ADGRL2: variants seen among roughly 807,000 people sequenced by gnomAD.
ADGRL2 encodes calcium-independent alpha-latrotoxin receptor 2.
In ADGRL2, 44 loss-of-function variants were observed where a neutral mutation model predicts 157.4. The ratio of observed to expected loss-of-function variants is 0.28; its 90% confidence interval spans 0.22 to 0.36. The LOEUF is 0.36. Ranked by LOEUF, ADGRL2 falls within the 10% of genes least tolerant of loss-of-function variation. ADGRL2 has a pLI of 1.00. For synonymous variants in ADGRL2, 585 were observed against 624.7 expected, an observed-to-expected ratio of 0.94 and a Z score of 0.95; for missense variants, 1,510 against 1,768.9, an observed-to-expected ratio of 0.85 and a Z score of 2.63.
intron 1 of ADGRL2, among the ~76,000 whole-genome samples, chr1:81,735,588 A>C (rs2084868125): frequency 6.7e-6 from 1 of 149,982 alleles, no homozygotes; most frequent in Non-Finnish European, 1.5e-5. Context: ...TGAGGAGCTC[A>C]AGAACAGCCT....
At chr1:81,489,431 A>G (rs973495317) in intron 2 of ADGRL2, among the ~76,000 whole-genome samples, 6 of 152,196 alleles carry the variant, frequency 3.9e-5, no homozygotes, top group Non-Finnish European at 5.9e-5. Flanking sequence ...ACAGAAAGAA[A>G]TAAGATTAAA....
Position 81,969,364 on chromosome 1 carries a change from G to A in ADGRL2, c.2710G>A (p.Gly904Ser). 1 of 1,613,530 alleles carries A rather than the reference G, an allele frequency of 6.2e-7. No homozygotes were observed. The highest frequency in any genetic ancestry group is 8.5e-7 in the Non-Finnish European group (1 of 1,179,634). ...LFIAEFIFLI[G>S]IDKTKYAIAC... ...CATTGCTGAATTTATTTTCCTAATA[G>A]GCATTGATAAGACAAAATATGCGGT... The change falls in exon 15 of 24, where the codon GGC (glycine) becomes AGC (serine). Residue 904 changes from glycine (G) to serine (S), a missense_variant. Around this residue, in one of 4 missense-constraint regions of ADGRL2, gnomAD observed 497 missense variants for 627.2 expected, o/e 0.79. Transcript: ENST00000686636.
At chr1:81,928,666 A>T (rs1419800433) in intron 3 of ADGRL2, among the ~76,000 whole-genome samples, 3 of 152,124 alleles carry the variant, frequency 2.0e-5, no homozygotes. Context: ...CTATTCTATT[A>T]ATTAAAGAAC....
At chr1:81,967,323 G>A (rs535269623) in intron 13 of ADGRL2, among the ~76,000 whole-genome samples, 6 of 150,474 alleles carry the variant, frequency 4.0e-5, no homozygotes, top group African/African-American at 7.4e-5. Context: ...GTGCGGTGGC[G>A]CGATCTCGGC....
At chr1:81,423,362 GC>G in intron 1 of ADGRL2, among the ~76,000 whole-genome samples, 1 of 152,272 alleles carries the variant, frequency 6.6e-6, no homozygotes, top group African/African-American at 2.4e-5. Flanking sequence ...AGGCAGGCAT[GC>G]CCAGGACACT....
At chr1:81,869,431 G>C (rs1015021841) in intron 2 of ADGRL2, among the ~76,000 whole-genome samples, 1 of 151,976 alleles carries the variant, frequency 6.6e-6, no homozygotes, top group Non-Finnish European at 1.5e-5. Context: ...TTTCTTAATG[G>C]AGGCTGTAAT....
At chr1:81,502,835 A>G (rs6666988) in intron 2 of ADGRL2, 575,589 of 1,612,040 alleles carry the variant, frequency 0.36, 116,300 homozygotes, top group African/African-American at 0.83. Context: ...GCCGCTGCCG[A>G]GGCCCCTGCC....
chr1:81,309,136 G>A (rs977259333), intron 1 of ADGRL2, among the ~76,000 whole-genome samples: 1 of 152,126 alleles, frequency 6.6e-6, no homozygotes, highest in Admixed American at 6.6e-5. Context: ...CCTGCTTAAG[G>A]GGAAATGATG....
At chr1:81,850,670 G>A (rs745989879) in intron 2 of ADGRL2, among the ~76,000 whole-genome samples, 7 of 151,834 alleles carry the variant, frequency 4.6e-5, no homozygotes, top group Non-Finnish European at 1.0e-4. Context: ...ATCTAAACAG[G>A]AATCCTCTGA....
At chr1:81,569,666 C>T (rs2080642135) in intron 2 of ADGRL2, among the ~76,000 whole-genome samples, 1 of 152,032 alleles carries the variant, frequency 6.6e-6, no homozygotes, top group East Asian at 1.9e-4. Flanking sequence ...AAAACTTAGC[C>T]AGGCATGGTG....
At chr1:81,502,208 G>A (rs528773724) in intron 2 of ADGRL2, 11 of 1,600,192 alleles carry the variant, frequency 6.9e-6, no homozygotes, top group Admixed American at 1.7e-5. Flanking sequence ...TCTACTTCCA[G>A]CACCAGGGCT....
At chr1:81,842,353 CTTT>C (rs71085377) in intron 2 of ADGRL2, among the ~76,000 whole-genome samples, 3 of 54,950 alleles carry the variant, frequency 5.5e-5, no homozygotes, top group East Asian at 6.3e-4. Flanking sequence ...TCTTTTAGCG[CTTT>C]TTTTTTTTTT....
At chr1:81,974,645 TATC>T (rs1659659668) in intron 17 of ADGRL2, among the ~76,000 whole-genome samples, 1 of 152,164 alleles carries the variant, frequency 6.6e-6, no homozygotes, top group Admixed American at 6.5e-5. Flanking sequence ...TCTTCTGTCT[TATC>T]ATATCCATGT....
At chr1:81,599,035 A>G (rs1217839043) in intron 3 of ADGRL2, among the ~76,000 whole-genome samples, 1 of 152,204 alleles carries the variant, frequency 6.6e-6, no homozygotes, top group African/African-American at 2.4e-5. Context: ...GATTCTATCT[A>G]ATCAGCAGAG....
chr1:81,710,203 C>T (rs2083877878), intron 1 of ADGRL2, among the ~76,000 whole-genome samples: 2 of 152,138 alleles, frequency 1.3e-5, no homozygotes, highest in Non-Finnish European at 2.9e-5. Flanking sequence ...TAAATAAACC[C>T]ATATGAAGCA....
chr1:81,710,476 T>C (rs192431378), intron 1 of ADGRL2, among the ~76,000 whole-genome samples: 1 of 151,258 alleles, frequency 6.6e-6, no homozygotes, highest in African/African-American at 2.4e-5. Flanking sequence ...AAAAATCAGC[T>C]AGGTATGGTG....
chr1:81,840,013 G>A (rs965717386), intron 2 of ADGRL2, among the ~76,000 whole-genome samples: 2 of 138,200 alleles, frequency 1.4e-5, no homozygotes, highest in African/African-American at 5.1e-5. Flanking sequence ...ATGGGCATTT[G>A]GGTTGGTTCC....
chr1:81,699,362 A>G (rs1314345565), upstream of ADGRL2, among the ~76,000 whole-genome samples: 1 of 152,232 alleles, frequency 6.6e-6, no homozygotes, highest in Non-Finnish European at 1.5e-5. Flanking sequence ...ATCCTGATTC[A>G]GCAAATAGGT....
intron 1 of ADGRL2, among the ~76,000 whole-genome samples, chr1:81,320,522 C>A (rs377638133): frequency 6.6e-6 from 1 of 152,140 alleles, no homozygotes; most frequent in African/African-American, 2.4e-5. Context: ...GGTCAAAATT[C>A]CTCCTTGATT....
Sources: gnomAD v4.1 joint callset for allele counts (sites outside exome capture counted in the v4.1 genomes callset) on GRCh38, gnomAD v4.1.1 for gene constraint, gnomAD v4.1.1 regional missense constraint, MANE v1.5 for transcripts, NCBI Gene and HGNC (gene_info 2026-07-23, HGNC 2026-07-21) for gene names.